COP1: variants seen among roughly 807,000 people sequenced by gnomAD.
COP1 encodes the protein E3 ubiquitin-protein ligase COP1.
Under a neutral mutation model 101.3 loss-of-function variants are expected in COP1, and 24 were observed. The observed-to-expected ratio is 0.24, with a 90% CI of 0.17 to 0.33. COP1 has a LOEUF of 0.33. Ranked by LOEUF, COP1 falls within the 10% of genes least tolerant of loss-of-function variation. The pLI is 1.00. For synonymous variants in COP1, 347 were observed against 341.9 expected (o/e 1.01, Z -0.17); for missense variants, 663 against 906.2 (o/e 0.73, Z 3.45).
intron 3 of COP1, among the ~76,000 whole-genome samples, chr1:176,166,533 T>C (rs1695180867): frequency 6.6e-6 from 1 of 152,270 alleles, no homozygotes; most frequent in Admixed American, 6.5e-5. Flanking sequence ...TGTCTTGCCA[T>C]GTCATATAAA....
chr1:176,152,608 C>T (rs540521105), intron 5 of COP1, among the ~76,000 whole-genome samples: 14 of 152,126 alleles, frequency 9.2e-5, no homozygotes, highest in African/African-American at 3.1e-4. Flanking sequence ...CCACCATGTC[C>T]AGCTAATTTT....
chr1:176,123,020 C>T (rs1186479384), intron 8 of COP1, among the ~76,000 whole-genome samples: 1 of 152,192 alleles, frequency 6.6e-6, no homozygotes, highest in African/African-American at 2.4e-5. Flanking sequence ...CAGTTCATTA[C>T]ACAACGTGGT....
At chr1:176,195,114 G>A (rs550086517) in intron 1 of COP1, among the ~76,000 whole-genome samples, 24 of 136,496 alleles carry the variant, frequency 1.8e-4, no homozygotes, top group Non-Finnish European at 3.6e-4. Context: ...AAGGAGAGGA[G>A]AGAAAGAGGG....
chr1:176,020,863 T>A (rs1557938915), intron 15 of COP1, among the ~76,000 whole-genome samples: 5 of 152,224 alleles, frequency 3.3e-5, no homozygotes, highest in Admixed American at 2.0e-4. Context: ...GGAATAAACA[T>A]AAATCACATA....
At chr1:176,114,909 T>C (rs1039470106) in intron 9 of COP1, among the ~76,000 whole-genome samples, 1 of 152,172 alleles carries the variant, frequency 6.6e-6, no homozygotes, top group Non-Finnish European at 1.5e-5. Context: ...TAAGACAATA[T>C]CCTTGTTCCT....
At chr1:176,077,732 T>C (rs1394538329) in intron 11 of COP1, among the ~76,000 whole-genome samples, 1 of 152,210 alleles carries the variant, frequency 6.6e-6, no homozygotes, top group Non-Finnish European at 1.5e-5. Flanking sequence ...ACTGACAGTA[T>C]GATTCTATAC....
At chr1:176,161,241 T>C (rs1477549397) in intron 5 of COP1, among the ~76,000 whole-genome samples, 1 of 152,166 alleles carries the variant, frequency 6.6e-6, no homozygotes, top group Admixed American at 6.6e-5. Flanking sequence ...TTTACTGTCA[T>C]TTTCATCATT....
At chr1:176,071,980 T>C (rs1438654697) in intron 11 of COP1, among the ~76,000 whole-genome samples, 1 of 152,192 alleles carries the variant, frequency 6.6e-6, no homozygotes, top group African/African-American at 2.4e-5. Context: ...GGGTAGAAGT[T>C]ATGAGGGTGG....
At chr1:176,197,557 C>A (rs778468231) in intron 1 of COP1, among the ~76,000 whole-genome samples, 40 of 152,008 alleles carry the variant, frequency 2.6e-4, no homozygotes, top group Admixed American at 9.2e-4. Context: ...TACGGCAGCC[C>A]AAGCAAACCA....
chr1:176,207,281 G>T lies in COP1; in HGVS notation c.-303C>A. 1 of 386,618 alleles carries T rather than the reference G, an allele frequency of 2.6e-6. No homozygotes were observed. The highest frequency in any genetic ancestry group is 1.3e-4 in the South Asian group (1 of 7,838). The allele number at this position is 386,618 out of a possible 1,614,324, so 23.9% of individuals were successfully genotyped here. On this transcript the variant is annotated 5_prime_UTR_variant, in exon 1 of 20. Coordinates refer to ENST00000367669, the MANE Select transcript of COP1 (RefSeq NM_022457.7). The stretch of plus-strand genomic sequence containing the variant: ...GCCGTGGCCGGCCGTGCGCGCGCGC[G>T]CGAGCGGCGGAAGAGGCGGGCGTGG...
At chr1:175,968,876 T>G (rs898009324) in intron 18 of COP1, among the ~76,000 whole-genome samples, 4 of 152,234 alleles carry the variant, frequency 2.6e-5, no homozygotes, top group Admixed American at 6.5e-5. Flanking sequence ...TCTAAACACT[T>G]TCAACTTGCA....
chr1:176,145,518 A>C (rs997424599), intron 6 of COP1, among the ~76,000 whole-genome samples: 1 of 152,208 alleles, frequency 6.6e-6, no homozygotes, highest in East Asian at 1.9e-4. Flanking sequence ...CATTCCATAT[A>C]AATATGTATA....
chr1:176,150,849 C>A (rs942947093), intron 5 of COP1, among the ~76,000 whole-genome samples: 1 of 152,102 alleles, frequency 6.6e-6, no homozygotes, highest in Admixed American at 6.6e-5. Context: ...CAGGAATTCA[C>A]CACATGACAC....
At chr1:176,006,354 A>C (rs1447554653) in intron 15 of COP1, among the ~76,000 whole-genome samples, 1 of 152,124 alleles carries the variant, frequency 6.6e-6, no homozygotes, top group Non-Finnish European at 1.5e-5. Context: ...TTATATTTAA[A>C]GTTAATATTG....
At chr1:176,145,389 AATGCCT>A (rs71129559) in intron 6 of COP1, among the ~76,000 whole-genome samples, 108,317 of 151,274 alleles carry the variant, frequency 0.72, 39,590 homozygotes, top group African/African-American at 0.86. Flanking sequence ...ATGCTCATAC[AATGCCT>A]ATGCCTGTAG....
At chr1:175,947,390 A>G (rs1215047724) in intron 18 of COP1, 151 bp from the exon 19 acceptor site, 5 of 508,414 alleles carry the variant, frequency 9.8e-6, no homozygotes, top group Admixed American at 7.0e-5. Context: ...TTTTTTTTTG[A>G]GACGGAGTCT....
chr1:176,161,360 G>A (rs936392632), intron 5 of COP1, among the ~76,000 whole-genome samples: 1 of 152,094 alleles, frequency 6.6e-6, no homozygotes, highest in African/African-American at 2.4e-5. Flanking sequence ...AGGCTGAGGT[G>A]GGAGGATTGC....
At chr1:175,988,630 C>T (rs550031988) in intron 16 of COP1, 86 of 398,826 alleles carry the variant, frequency 2.2e-4, no homozygotes, top group East Asian at 1.0e-3. Context: ...GTCTGGAGTT[C>T]GAGACCAGCC....
At chr1:176,170,656 T>G (rs1267744352) in intron 3 of COP1, among the ~76,000 whole-genome samples, 1 of 152,154 alleles carries the variant, frequency 6.6e-6, no homozygotes, top group East Asian at 1.9e-4. Context: ...CACGGTAGAT[T>G]TAGCATAATT....
Sources: allele counts gnomAD v4.1 joint callset (sites outside exome capture counted in the v4.1 genomes callset), GRCh38; gene constraint gnomAD v4.1.1; transcripts MANE v1.5; gene names NCBI Gene and HGNC (gene_info 2026-07-23, HGNC 2026-07-21).